USP20: variants seen among roughly 807,000 people sequenced by gnomAD.
USP20 encodes ubiquitin carboxyl-terminal hydrolase 20.
Under a neutral mutation model 124.2 loss-of-function variants are expected in USP20, and 80 were observed. The observed-to-expected ratio is 0.64, with a 90% CI of 0.54 to 0.78. The LOEUF (loss-of-function observed/expected upper bound fraction) is 0.78. Among genes scored for constraint, USP20 ranks in the 30% least tolerant of loss-of-function variants. The pLI, the probability that USP20 is intolerant of heterozygous loss-of-function variation, is 0.00. For synonymous variants in USP20, 481 were observed against 512.3 expected, an observed-to-expected ratio of 0.94 and a Z score of 0.83; for missense variants, 1,043 against 1,244.4, an observed-to-expected ratio of 0.84 and a Z score of 2.44.
In USP20 at chr9:129,858,051, T is replaced by C. The variant is rs760831679; in HGVS notation, c.137T>C (p.Val46Ala). The change falls in exon 5 of 26, where the codon GTT becomes GCT. Residue 46 changes from valine (V) to alanine (A), a missense_variant and splice_region_variant. Coordinates refer to ENST00000372429, the MANE Select transcript of USP20 (RefSeq NM_001110303.4). ...CACTCTCCTTCCCTCTCTTCCCAGG[T>C]TGCCTGCCCCTATGTTGGCTGCGGA... ...TGPNLWACLQ[V>A]ACPYVGCGES... 1.9e-6 allele frequency: 3 copies of C among 1,613,792 alleles called. No individual in the cohort carries two copies. The highest frequency in any genetic ancestry group is 2.5e-6 in the Non-Finnish European group (3 of 1,179,828).
At chr9:129,859,288 T>TTATTTTATTTATTTTATTTTA (rs1344090444) in intron 6 of USP20, among the ~76,000 whole-genome samples, 20 of 139,388 alleles carry the variant, frequency 1.4e-4, no homozygotes, top group African/African-American at 2.4e-4. Flanking sequence ...TATTTTAATT[T>TTATTTTATTTATTTTATTTTA]TTTGAGACCG....
chr9:129,867,571 C>T (rs73672513), intron 10 of USP20, among the ~76,000 whole-genome samples: 3,999 of 152,142 alleles, frequency 0.026, 97 homozygotes, highest in South Asian at 0.089. Context: ...CCTCTTTTGG[C>T]ATCACACTCC....
intron 1 of USP20, among the ~76,000 whole-genome samples, chr9:129,842,093 C>T: frequency 6.6e-6 from 1 of 152,186 alleles, no homozygotes; most frequent in East Asian, 1.9e-4. Context: ...GGCCCTAAGT[C>T]ATTCAACTTA....
chr9:129,860,442 A>C (rs2131066819), intron 6 of USP20, among the ~76,000 whole-genome samples: 1 of 55,928 alleles, frequency 1.8e-5, no homozygotes, highest in African/African-American at 4.9e-5. Flanking sequence ...ATTTATTATA[A>C]ATAAAATATT....
At chr9:129,859,279 A>ATTTTATTTTC (rs2033404665) in intron 6 of USP20, among the ~76,000 whole-genome samples, 1 of 145,474 alleles carries the variant, frequency 6.9e-6, no homozygotes. Context: ...ATTTTATTTT[A>ATTTTATTTTC]TTTTAATTTT....
Position 129,870,418 on chromosome 9 carries a change from C to G in USP20, c.1566-35C>G, listed in dbSNP as rs911233207. On this transcript the variant is annotated intron_variant, in intron 14 of 25. Transcript: ENST00000372429. ...TTCAGCTCCTGTTCTTGCCCAGGCC[C>G]TGGCAGCACCCCTGCACTCCTTTTC... 4.4e-6 allele frequency: 7 copies of G among 1,608,420 alleles called. 1 individual carries two copies. Among genetic ancestry groups the G allele is most frequent in the Middle Eastern group, 3.3e-4 (2 of 6,046 alleles).
chr9:129,873,589 G>A, intron 16 of USP20, 74 bp downstream of exon 16: 2 of 1,613,274 alleles, frequency 1.2e-6, no homozygotes, highest in Non-Finnish European at 1.7e-6. Flanking sequence ...GGTTCCTGCA[G>A]AGAGCCCCCT....
Position 129,873,690 on chromosome 9 carries a change from C to G in USP20, c.1695-9C>G. The G allele has an allele frequency of 6.2e-6, 10 of 1,613,610 alleles. No individual in the cohort carries two copies. Among genetic ancestry groups the G allele is most frequent in the Non-Finnish European group, 8.5e-6 (10 of 1,180,026 alleles). ...CGGACACTGATGCTGGCTCGTGCTT[C>G]CTCCCCAGGCTGCGGAACGGAGTGA... is the stretch of plus-strand genomic sequence containing the variant. On this transcript the variant is annotated splice_polypyrimidine_tract_variant and intron_variant, in intron 16 of 25. Transcript: ENST00000372429.
rs1375312744 is a variant in USP20, at chr9:129,869,212, G to A, written c.1277-98G>A. ...TTGCTTACCCAGTCATGTGACTCAC[G>A]GATGTCACTCCACATCCTGTCAAAG... is the stretch of plus-strand genomic sequence containing the variant. On this transcript the variant is annotated intron_variant, in intron 12 of 25. Coordinates refer to ENST00000372429, the MANE Select transcript of USP20 (RefSeq NM_001110303.4). 18 of 1,363,994 alleles carry A rather than the reference G, an allele frequency of 1.3e-5. 1 individual carries two copies. The highest frequency in any genetic ancestry group is 5.7e-5 in the African/African-American group (4 of 69,984). 84.5% of individuals were successfully genotyped at this position (1,363,994 alleles called of 1,614,324 possible).
chr9:129,868,422 C>T lies in USP20; in HGVS notation c.1108C>T (p.Arg370Trp), dbSNP rs747614844. Residue 370 changes from arginine to tryptophan, a missense_variant, in exon 11 of 26, where the codon CGG (arginine) becomes TGG (tryptophan). Arg to Trp is a moderately radical substitution (Grantham distance 101, BLOSUM62 -3). Transcript: ENST00000372429. ...QPAEAQPPSP[R>W]SSSPCRTPEP... ...CGCGGAGGCCCAGCCCCCGTCACCA[C>T]GGTCCTCCAGCCCCTGCCGGACGCC... 6.0e-5 allele frequency: 96 copies of T among 1,611,694 alleles called. No individual in the cohort carries two copies. The East Asian group carries it at 1.8e-3, about 30-fold the overall frequency.
intron 3 of USP20, among the ~76,000 whole-genome samples, chr9:129,855,997 G>A (rs920584064): frequency 6.6e-5 from 10 of 152,160 alleles, no homozygotes; most frequent in Admixed American, 1.3e-4. Context: ...AAGAGAGCGT[G>A]TTAACGAGTC....
At position 129,839,106 on chromosome 9, in the gene USP20, G is replaced by A. The variant is rs2032045778; in HGVS notation, c.-129+3607G>A. Among the ~76,000 whole-genome samples the A allele has an allele frequency of 6.6e-6, 1 of 152,212 alleles. No individual in the cohort carries two copies. The highest frequency in any genetic ancestry group is 1.5e-5 in the Non-Finnish European group (1 of 68,036). ...GGGCTGTTTGTGACATCGTGGAGCT[G>A]AGTGTTCAGAGCATGGGCTTCAGGG... On this transcript the variant is annotated intron_variant, in intron 1 of 25. Coordinates refer to ENST00000372429, the MANE Select transcript of USP20 (RefSeq NM_001110303.4). The surrounding 1 kb of genome is among the most constrained non-coding windows in gnomAD (Gnocchi z 4.5).
chr9:129,855,974 AGTAAGGGGTGGGAAGAGAGCGTG>A (rs1291467592), intron 3 of USP20, among the ~76,000 whole-genome samples: 24 of 152,198 alleles, frequency 1.6e-4, no homozygotes, highest in Admixed American at 8.5e-4. Flanking sequence ...AGAAAGGAAG[AGTAAGGGGTGGGAAGAGAGCGTG>A]TTAACGAGTC....
chr9:129,858,798 G>A (rs1054515110), intron 6 of USP20, among the ~76,000 whole-genome samples, 200 bp downstream of exon 6: 4 of 152,220 alleles, frequency 2.6e-5, no homozygotes, highest in Admixed American at 6.5e-5. Flanking sequence ...GCATGTGTGA[G>A]ACCATGAGGG....
chr9:129,863,673 T>C (rs993058424), intron 9 of USP20, among the ~76,000 whole-genome samples: 1 of 152,106 alleles, frequency 6.6e-6, no homozygotes, highest in Non-Finnish European at 1.5e-5. Flanking sequence ...GAGCACAGAC[T>C]GGATGGAGCT....
At chr9:129,850,159 G>T (rs561634799) in intron 2 of USP20, among the ~76,000 whole-genome samples, 60 of 152,288 alleles carry the variant, frequency 3.9e-4, no homozygotes, top group African/African-American at 1.3e-3. Context: ...GTTAATTGAT[G>T]AGTCTAGGTA....
chr9:129,843,740 A>G (rs565557137), intron 1 of USP20, among the ~76,000 whole-genome samples: 1 of 151,560 alleles, frequency 6.6e-6, no homozygotes, highest in South Asian at 2.1e-4. Context: ...CTCCATCTCA[A>G]AAAAACAAAA....
chr9:129,874,568 C>T lies in USP20; in HGVS notation c.1741-8C>T, dbSNP rs2034291872. The T allele has an allele frequency of 5.0e-6, 8 of 1,612,684 alleles. No individual in the cohort carries two copies. The highest frequency in any genetic ancestry group is 6.8e-6 in the Non-Finnish European group (8 of 1,179,304). On this transcript the variant is annotated splice_region_variant and splice_polypyrimidine_tract_variant and intron_variant, in intron 17 of 25. Coordinates refer to ENST00000372429, the MANE Select transcript of USP20 (RefSeq NM_001110303.4). Reference sequence around the variant, plus strand: ...CCTAGATGACCGGCGCTCTCTCTGTCCCCGCAGATCCTGTGCATTCACCTA... The same window carrying T: ...CCTAGATGACCGGCGCTCTCTCTGTTCCCGCAGATCCTGTGCATTCACCTA...
Position 129,874,774 on chromosome 9 carries a change from C to A in USP20, c.1921+18C>A, listed in dbSNP as rs772218179. ...GGCAGGCAGTGAGTCATGTCCCCTC[C>A]CCTGCCGTCCCCATCCGCTAGGATC... On this transcript the variant is annotated intron_variant, in intron 18 of 25. Transcript: ENST00000372429. 1 of 1,613,758 alleles carries A rather than the reference C, an allele frequency of 6.2e-7. No individual in the cohort carries two copies. Among genetic ancestry groups the A allele is most frequent in the South Asian group, 1.1e-5 (1 of 91,080 alleles).
Sources: gnomAD v4.1 joint callset for allele counts (sites outside exome capture counted in the v4.1 genomes callset) on GRCh38, gnomAD v4.1.1 for gene constraint, Gnocchi (gnomAD v3.1) non-coding constraint, MANE v1.5 for transcripts, NCBI Gene and HGNC (gene_info 2026-07-23, HGNC 2026-07-21) for gene names.